Variants in LETM1 observed in about 807,000 individuals in gnomAD.
The protein encoded by LETM1 is leucine zipper and EF-hand containing transmembrane protein 1.
A neutral mutation model predicts 74.5 loss-of-function variants in LETM1; 50 were observed. The observed-to-expected ratio is 0.67, with a 90% CI of 0.53 to 0.85. The LOEUF is 0.85. LETM1 is among the 40% of genes least tolerant of loss of function. The pLI is 0.00. For synonymous variants in LETM1, 446 were observed against 407.1 expected, an observed-to-expected ratio of 1.10 and a Z score of -1.15; for missense variants, 824 against 967.8, an observed-to-expected ratio of 0.85 and a Z score of 1.97.
chr4:1,816,698 C>G (rs1290497906), intron 12 of LETM1, 29 bp downstream of exon 12: 1 of 1,602,944 alleles, frequency 6.2e-7, no homozygotes, highest in South Asian at 1.1e-5. Context: ...AGTCTCCGAT[C>G]CCTCTCCCGC....
At chr4:1,849,925 G>A (rs1713011319) in intron 1 of LETM1, among the ~76,000 whole-genome samples, 1 of 152,200 alleles carries the variant, frequency 6.6e-6, no homozygotes, top group African/African-American at 2.4e-5. Context: ...GGGAGGCAAA[G>A]GCGAGTGGAT....
chr4:1,829,296 G>A (rs1712169185), intron 6 of LETM1, among the ~76,000 whole-genome samples: 3 of 147,218 alleles, frequency 2.0e-5, no homozygotes, highest in East Asian at 2.1e-4. Context: ...AGGGGCGGCC[G>A]GGCAGAGGCG....
intron 2 of LETM1, among the ~76,000 whole-genome samples, chr4:1,847,479 G>C (rs1237652334): frequency 6.6e-6 from 1 of 152,082 alleles, no homozygotes; most frequent in Non-Finnish European, 1.5e-5. Context: ...AGGTTTGGGG[G>C]AACTGGTCCC....
At chr4:1,823,544 A>G (rs1285369566) in intron 8 of LETM1, 100 bp downstream of exon 8, 3 of 1,481,348 alleles carry the variant, frequency 2.0e-6, no homozygotes, top group Non-Finnish European at 2.8e-6. Flanking sequence ...CTCCTCGCCC[A>G]TGGTTGAGGA....
chr4:1,824,738 CTG>C (rs1047360760), intron 7 of LETM1, among the ~76,000 whole-genome samples: 1 of 152,240 alleles, frequency 6.6e-6, no homozygotes. Context: ...TCAGACACCC[CTG>C]TGTGTGTGGC....
chr4:1,840,204 C>T (rs1276671685), intron 3 of LETM1, among the ~76,000 whole-genome samples: 1 of 152,118 alleles, frequency 6.6e-6, no homozygotes, highest in Admixed American at 6.5e-5. Context: ...GCGGTGAAAC[C>T]CCTCTCTACT....
At chr4:1,831,276 C>T (rs962059676) in intron 6 of LETM1, among the ~76,000 whole-genome samples, 5 of 152,236 alleles carry the variant, frequency 3.3e-5, no homozygotes, top group Admixed American at 2.0e-4. Flanking sequence ...GTGGTGGGAG[C>T]GCTGCCTCGT....
intron 10 of LETM1, among the ~76,000 whole-genome samples, chr4:1,821,974 G>T (rs567936780): frequency 6.6e-6 from 1 of 152,318 alleles, no homozygotes; most frequent in East Asian, 1.9e-4. Context: ...CCCAGGCACA[G>T]TGCGGAGCCC....
At chr4:1,821,404 T>A (rs998589554) in intron 10 of LETM1, among the ~76,000 whole-genome samples, 1 of 151,310 alleles carries the variant, frequency 6.6e-6, no homozygotes, top group Middle Eastern at 3.4e-3. Flanking sequence ...ATTTTTTTTT[T>A]ATGGCTGGGT....
In LETM1 at chr4:1,834,781, G is replaced by C; in HGVS notation, c.876+64C>G. 6.2e-7 allele frequency: 1 copy of C among 1,600,592 alleles called. No individual in the cohort carries two copies. Among genetic ancestry groups the C allele is most frequent in the Non-Finnish European group, 8.5e-7 (1 of 1,171,670 alleles). ...CTCCACTCTGCTGAGCACAGCGAAAGGGAAACAGAAAATCAGGGAAGGCTC... is the reference window on the plus strand; with the variant it reads ...CTCCACTCTGCTGAGCACAGCGAAACGGAAACAGAAAATCAGGGAAGGCTC... On this transcript the variant is annotated intron_variant, in intron 5 of 13. Transcript: ENST00000302787. This position sits in a 1 kb window ranked among gnomAD's most constrained non-coding sequence, Gnocchi z 5.0.
At chr4:1,841,203 G>T in intron 3 of LETM1, 144 bp downstream of exon 3, 1 of 701,344 alleles carries the variant, frequency 1.4e-6, no homozygotes, top group Non-Finnish European at 2.4e-6. Flanking sequence ...CAATTAGCCA[G>T]GTGTGGTGGC....
In LETM1 at chr4:1,834,415, A is replaced by G; in HGVS notation, c.876+430T>C. 1 of 996,512 alleles carries G rather than the reference A, an allele frequency of 1.0e-6. No homozygotes were observed. Among genetic ancestry groups the G allele is most frequent in the Non-Finnish European group, 1.2e-6 (1 of 837,314 alleles). The allele number at this position is 996,512 out of a possible 1,614,324, so 61.7% of individuals were successfully genotyped here. On this transcript the variant is annotated intron_variant, in intron 5 of 13. Transcript: ENST00000302787. This position sits in a 1 kb window ranked among gnomAD's most constrained non-coding sequence, Gnocchi z 5.0. ...ACCTCAAGGGCCGCTCCTCCTCTCC[A>G]GCCCCCACTGCTCCCACAGTCCAGG...
intron 1 of LETM1, among the ~76,000 whole-genome samples, chr4:1,852,904 C>T (rs1228505305): frequency 6.6e-6 from 1 of 152,192 alleles, no homozygotes; most frequent in Non-Finnish European, 1.5e-5. Context: ...CCAGGGTTCT[C>T]AGCCCTCAGT....
Position 1,816,867 on chromosome 4 carries a change from C to T in LETM1, c.1791G>A (p.Lys597=), listed in dbSNP as rs9328763. The change falls in exon 12 of 14, where the codon AAG becomes AAA. Residue 597 remains lysine, a synonymous_variant. Coordinates refer to ENST00000302787, the MANE Select transcript of LETM1 (RefSeq NM_012318.3). ...TGCTGGCTTTAGATTCTTCCACGTA[C>T]TTTTCTTCACCAGTCTTTGAAAGTT... ...KKELSKTGEE[K]YVEESKASKR... 1,603,565 of 1,614,072 alleles carry T rather than the reference C, an allele frequency of 0.99. 797,146 individuals carry two copies. Among genetic ancestry groups the T allele is most frequent in the East Asian group, 1 (44,884 of 44,884 alleles).
At chr4:1,822,798 G>T in intron 9 of LETM1, 190 bp downstream of exon 9, 1 of 453,420 alleles carries the variant, frequency 2.2e-6, no homozygotes, top group Non-Finnish European at 3.6e-6. Flanking sequence ...CCATCGGGGA[G>T]TCCCCATGTC....
Position 1,820,103 on chromosome 4 carries a change from A to G in LETM1, c.1609-631T>C, listed in dbSNP as rs1002052115. On this transcript the variant is annotated intron_variant, in intron 10 of 13. Coordinates refer to ENST00000302787, the MANE Select transcript of LETM1 (RefSeq NM_012318.3). ...AGGCACACACTGACATATCTGTCCAACTTTTTATTTTTTGTAAAGACGGCG... is the reference window on the plus strand; with the variant it reads ...AGGCACACACTGACATATCTGTCCAGCTTTTTATTTTTTGTAAAGACGGCG... 6.6e-5 allele frequency among the ~76,000 whole-genome samples: 10 copies of G among 152,000 alleles called. 1 individual carries two copies. Among genetic ancestry groups the G allele is most frequent in the East Asian group, 1.9e-4 (1 of 5,184 alleles).
chr4:1,823,036 G>T lies in LETM1; in HGVS notation c.1428C>A (p.Ile476=), dbSNP rs765304360. The T allele has an allele frequency of 2.5e-6, 4 of 1,608,742 alleles. No homozygotes were observed. The East Asian group carries it at 9.0e-5, about 36-fold the overall frequency. The change falls in exon 9 of 14, where the codon ATC becomes ATA. Residue 476 remains isoleucine (I), a synonymous_variant. Coordinates refer to ENST00000302787, the MANE Select transcript of LETM1 (RefSeq NM_012318.3). Reference sequence around the variant, plus strand: ...GCTCCTTCTCACGGTGCTCCTGCTGGATGGCCGCCTCCTCCTGCAGCGTGG... The same window carrying T: ...GCTCCTTCTCACGGTGCTCCTGCTGTATGGCCGCCTCCTCCTGCAGCGTGG... The part of the protein sequence containing the change: ...LEATLQEEAA[I]QQEHREKELQ...
chr4:1,811,615 A>G lies in LETM1; in HGVS notation c.*2809T>C, dbSNP rs1415927405. 6.6e-6 allele frequency: 1 copy of G among 152,350 alleles called. No homozygotes were observed. Among genetic ancestry groups the G allele is most frequent in the African/African-American group, 2.4e-5 (1 of 41,448 alleles). The allele number at this position is 152,350 out of a possible 1,614,324, so 9.4% of individuals were successfully genotyped here. ...TTTACAAAGACAGAGCCGGCTCACC[A>G]GCACACTCCTGCCAGCACCGGGACC... is the stretch of plus-strand genomic sequence containing the variant. On this transcript the variant is annotated 3_prime_UTR_variant, in exon 14 of 14. Coordinates refer to ENST00000302787, the MANE Select transcript of LETM1 (RefSeq NM_012318.3).
intron 13 of LETM1, among the ~76,000 whole-genome samples, chr4:1,815,255 G>A (rs550005128): frequency 9.2e-5 from 14 of 152,258 alleles, no homozygotes; most frequent in Non-Finnish European, 1.9e-4. Context: ...AAGCTGCCCC[G>A]CGGCTCCCCT....
Sources: allele counts gnomAD v4.1 joint callset (sites outside exome capture counted in the v4.1 genomes callset), GRCh38; gene constraint gnomAD v4.1.1; non-coding constraint Gnocchi (gnomAD v3.1); transcripts MANE v1.5; gene names NCBI Gene and HGNC (gene_info 2026-07-23, HGNC 2026-07-21).